The following NKAIN2 variants were observed in gnomAD, a reference collection of about 807,000 sequenced individuals.
NKAIN2 encodes sodium/potassium-transporting ATPase subunit beta-1-interacting protein 2.
In NKAIN2, 14 loss-of-function variants were observed where a neutral mutation model predicts 32.6. That is an observed-to-expected ratio of 0.43 (90% CI 0.28 to 0.67). NKAIN2 has a LOEUF of 0.67. Among genes scored for constraint, NKAIN2 ranks in the 30% least tolerant of loss-of-function variants. NKAIN2 has a pLI of 0.17. For synonymous variants in NKAIN2, 80 were observed against 87.2 expected (o/e 0.92, Z 0.46); for missense variants, 198 against 258.3 (o/e 0.77, Z 1.60).
At chr6:124,071,694 T>C (rs1783476766) in intron 1 of NKAIN2, among the ~76,000 whole-genome samples, 1 of 152,082 alleles carries the variant, frequency 6.6e-6, no homozygotes. Flanking sequence ...CAAAAGAAGA[T>C]ATACTAGCGG....
At chr6:124,700,211 TGAAAAATCAG>T (rs1311489784) in intron 4 of NKAIN2, among the ~76,000 whole-genome samples, 1 of 152,150 alleles carries the variant, frequency 6.6e-6, no homozygotes, top group Non-Finnish European at 1.5e-5. Context: ...GGGAGTTAGA[TGAAAAATCAG>T]GCAAAATCTT....
At chr6:124,681,231 G>C (rs12662193) in intron 4 of NKAIN2, among the ~76,000 whole-genome samples, 4,613 of 151,838 alleles carry the variant, frequency 0.03, 87 homozygotes, top group East Asian at 0.07. Context: ...TATAACCTAG[G>C]GCTCTACTTA....
intron 3 of NKAIN2, among the ~76,000 whole-genome samples, chr6:124,475,962 G>C (rs1314810440): frequency 6.6e-6 from 1 of 151,584 alleles, no homozygotes; most frequent in Non-Finnish European, 1.5e-5. Flanking sequence ...TGAATATGAA[G>C]ATGCCTGTTA....
At chr6:124,298,512 G>T (rs1475849408) in intron 2 of NKAIN2, among the ~76,000 whole-genome samples, 1 of 152,120 alleles carries the variant, frequency 6.6e-6, no homozygotes, top group Admixed American at 6.5e-5. Flanking sequence ...GTTCCAAAAT[G>T]TCCATTGTTC....
chr6:124,101,533 A>AAATT (rs1177563459), intron 1 of NKAIN2, among the ~76,000 whole-genome samples: 10 of 152,078 alleles, frequency 6.6e-5, no homozygotes, highest in African/African-American at 2.4e-4. Flanking sequence ...CATTTCTATT[A>AAATT]ATTTATTGTT....
At chr6:124,394,529 G>A (rs1773290500) in intron 3 of NKAIN2, among the ~76,000 whole-genome samples, 1 of 149,562 alleles carries the variant, frequency 6.7e-6, no homozygotes, top group Admixed American at 6.7e-5. Flanking sequence ...CAGACAGACA[G>A]ATAGATACAT....
chr6:123,973,151 G>T (rs985997851), intron 1 of NKAIN2, among the ~76,000 whole-genome samples: 1 of 152,016 alleles, frequency 6.6e-6, no homozygotes, highest in African/African-American at 2.4e-5. Context: ...GCAGAGGGCT[G>T]TTCTCTCCCT....
At chr6:124,522,724 C>T (rs1030709015) in intron 3 of NKAIN2, among the ~76,000 whole-genome samples, 2 of 152,108 alleles carry the variant, frequency 1.3e-5, no homozygotes, top group African/African-American at 4.8e-5. Flanking sequence ...TTCTTTTAGT[C>T]CATCACTTTA....
At chr6:124,125,354 G>T (rs539589255) in intron 1 of NKAIN2, among the ~76,000 whole-genome samples, 1 of 152,114 alleles carries the variant, frequency 6.6e-6, no homozygotes, top group East Asian at 1.9e-4. Context: ...CCATTACTCT[G>T]TTCCTCTTTA....
intron 1 of NKAIN2, among the ~76,000 whole-genome samples, chr6:124,003,207 G>T (rs1264532587): frequency 6.6e-6 from 1 of 152,140 alleles, no homozygotes; most frequent in Non-Finnish European, 1.5e-5. Context: ...CATTGGGGAT[G>T]GAGATAAAAA....
chr6:123,965,835 A>G (rs576748056), intron 1 of NKAIN2, among the ~76,000 whole-genome samples: 31 of 152,244 alleles, frequency 2.0e-4, no homozygotes, highest in African/African-American at 7.5e-4. Flanking sequence ...TATTGAATCT[A>G]TTCTTAAATT....
intron 1 of NKAIN2, among the ~76,000 whole-genome samples, chr6:123,876,040 C>A (rs1436654147): frequency 2.6e-5 from 4 of 152,006 alleles, no homozygotes; most frequent in African/African-American, 9.7e-5. Context: ...TATATACACA[C>A]CCAAGTCATT....
chr6:124,531,669 T>C (rs548596992), intron 3 of NKAIN2, among the ~76,000 whole-genome samples: 75 of 152,220 alleles, frequency 4.9e-4, no homozygotes, highest in African/African-American at 1.7e-3. Flanking sequence ...TTAAGTCATT[T>C]TTTCTTTCTT....
intron 3 of NKAIN2, among the ~76,000 whole-genome samples, chr6:124,364,841 C>A (rs889519578): frequency 2.7e-4 from 41 of 151,660 alleles, no homozygotes; most frequent in African/African-American, 9.9e-4. Context: ...TTGTTAAACA[C>A]AAAACAATAG....
At chr6:124,056,646 G>A (rs1782667924) in intron 1 of NKAIN2, among the ~76,000 whole-genome samples, 1 of 152,046 alleles carries the variant, frequency 6.6e-6, no homozygotes, top group South Asian at 2.1e-4. Flanking sequence ...ATGGCTACAC[G>A]TTGCCACTTT....
intron 1 of NKAIN2, among the ~76,000 whole-genome samples, chr6:124,156,745 G>A (rs1436838464): frequency 6.6e-6 from 1 of 151,996 alleles, no homozygotes; most frequent in Admixed American, 6.6e-5. Flanking sequence ...TGTGGAGAAT[G>A]GACTATAAGA....
chr6:124,752,416 T>C (rs147409013), intron 4 of NKAIN2, among the ~76,000 whole-genome samples: 1 of 152,080 alleles, frequency 6.6e-6, no homozygotes, highest in African/African-American at 2.4e-5. Context: ...TTCGCTTCTC[T>C]TCTTCCTAGG....
chr6:124,521,438 C>A (rs1264371476), intron 3 of NKAIN2, among the ~76,000 whole-genome samples: 5 of 152,068 alleles, frequency 3.3e-5, no homozygotes, highest in African/African-American at 1.2e-4. Context: ...TTTAATTATT[C>A]ATGTGCATTC....
intron 3 of NKAIN2, among the ~76,000 whole-genome samples, chr6:124,556,060 C>G (rs1780462196): frequency 6.9e-6 from 1 of 144,252 alleles, no homozygotes; most frequent in East Asian, 2.1e-4. Context: ...AATTATTTTG[C>G]CCATTATATT....
Sources: allele counts gnomAD v4.1 joint callset (sites outside exome capture counted in the v4.1 genomes callset), GRCh38; gene constraint gnomAD v4.1.1; transcripts MANE v1.5; gene names NCBI Gene and HGNC (gene_info 2026-07-23, HGNC 2026-07-21).